Variants in BCL11A observed in about 807,000 individuals in gnomAD.
BCL11A encodes the protein B cell CLL/lymphoma 11A.
Under a neutral mutation model 55.9 loss-of-function variants are expected in BCL11A, and 2 were observed. That is an observed-to-expected ratio of 0.04 (90% confidence interval 0.01 to 0.11). BCL11A has a LOEUF of 0.11. Among genes scored for constraint, BCL11A ranks in the 10% least tolerant of loss-of-function variants. The pLI, the probability that BCL11A is intolerant of heterozygous loss-of-function variation, is 1.00. For synonymous variants in BCL11A, 465 were observed against 473.4 expected (o/e 0.98, Z 0.23); for missense variants, 817 against 1,137.1 (o/e 0.72, Z 4.05).
Position 60,458,467 on chromosome 2 carries a change from CA to C in BCL11A, c.*1936del. On this transcript the variant is annotated 3_prime_UTR_variant, in exon 4 of 4. Transcript: ENST00000642384. Reference sequence around the variant, plus strand: ...CATTTATATTTAAAAAAGTTTTGTACAAAAAAATCCTTGCACTGTAGAAGCG... The same window carrying C: ...CATTTATATTTAAAAAAGTTTTGTACAAAAAATCCTTGCACTGTAGAAGCG... 3.9e-6 allele frequency: 4 copies of C among 1,026,440 alleles called. No homozygotes were observed. The highest frequency in any genetic ancestry group is 1.7e-5 in the African/African-American group (1 of 58,982). The allele number at this position is 1,026,440 out of a possible 1,614,324, so 63.6% of individuals were successfully genotyped here. A position where few individuals can be genotyped will look rare whatever the true frequency, so the allele number is the denominator to read the frequency against.
At chr2:60,514,873 GA>G (rs11437234) in intron 2 of BCL11A, among the ~76,000 whole-genome samples, 127 of 120,752 alleles carry the variant, frequency 1.1e-3, no homozygotes, top group Admixed American at 2.3e-3. Flanking sequence ...ACAGAAAAAA[GA>G]AAAAAAAAAA....
At chr2:60,498,544 ATTGGC>A (rs1465643341) in intron 2 of BCL11A, among the ~76,000 whole-genome samples, 2 of 152,176 alleles carry the variant, frequency 1.3e-5, no homozygotes, top group Non-Finnish European at 2.9e-5. Flanking sequence ...CCTTCCTAGA[ATTGGC>A]CTGGGACATT....
chr2:60,466,246 A>G (rs1676601035), intron 3 of BCL11A, among the ~76,000 whole-genome samples: 1 of 152,098 alleles, frequency 6.6e-6, no homozygotes, highest in East Asian at 1.9e-4. Context: ...GAAGACCGAG[A>G]ACTATGTTTC....
intron 2 of BCL11A, among the ~76,000 whole-genome samples, chr2:60,531,754 G>T (rs554408349): frequency 2.6e-5 from 4 of 152,270 alleles, no homozygotes; most frequent in Admixed American, 2.6e-4. Flanking sequence ...GGTCCATAAC[G>T]TCTTATTCAG....
intron 2 of BCL11A, among the ~76,000 whole-genome samples, chr2:60,518,264 C>T (rs1433068821): frequency 1.3e-5 from 2 of 152,214 alleles, no homozygotes; most frequent in South Asian, 2.1e-4. Flanking sequence ...CTGTCAACAT[C>T]TGCTGAGCTC....
At chr2:60,549,795 C>G (rs1371349756) in intron 1 of BCL11A, 2 of 152,258 alleles carry the variant, frequency 1.3e-5, no homozygotes, top group Non-Finnish European at 2.9e-5. Context: ...CTCAGTATCT[C>G]CGCACACACC....
chr2:60,515,070 T>C (rs1417634863), intron 2 of BCL11A, among the ~76,000 whole-genome samples: 1 of 152,090 alleles, frequency 6.6e-6, no homozygotes. Flanking sequence ...GGGGACCCCC[T>C]AACTCCAAAG....
At chr2:60,531,276 C>A (rs1669446232) in intron 2 of BCL11A, among the ~76,000 whole-genome samples, 1 of 152,202 alleles carries the variant, frequency 6.6e-6, no homozygotes, top group African/African-American at 2.4e-5. Flanking sequence ...CCCACAGAAT[C>A]TTTTCGACCC....
In BCL11A at chr2:60,497,631, A is replaced by G. The variant is rs66677022; in HGVS notation, c.386-28798T>C. Among the ~76,000 whole-genome samples, 3 of 164 alleles carry G rather than the reference A, an allele frequency of 0.018. No homozygotes were observed. The African/African-American group carries it at 0.21, about 12-fold the overall frequency. The allele number at this position is 164 out of a possible 152,430, so 0.1% of individuals were successfully genotyped here. A position where few individuals can be genotyped will look rare whatever the true frequency, so the allele number is the denominator to read the frequency against. ...TGATAATGACCATTATGATGATGAT[A>G]ATAATAATAATAGCTTCCACTGGAT... On this transcript the variant is annotated intron_variant, in intron 2 of 3. Coordinates refer to ENST00000642384, the MANE Select transcript of BCL11A (RefSeq NM_022893.4).
chr2:60,507,375 AAGGGAGGGAGGGAAGG>A (rs1679706652), intron 2 of BCL11A, among the ~76,000 whole-genome samples: 1 of 43,244 alleles, frequency 2.3e-5, no homozygotes, highest in African/African-American at 2.2e-4. Context: ...AAGGGAAGGG[AAGGGAGGGAGGGAAGG>A]AGGGCCCTTG....
intron 2 of BCL11A, among the ~76,000 whole-genome samples, chr2:60,519,784 C>T (rs1668897974): frequency 1.3e-5 from 2 of 152,148 alleles, no homozygotes; most frequent in African/African-American, 2.4e-5. Flanking sequence ...GAAAGGGCTC[C>T]CAGTCACATC....
downstream of BCL11A, chr2:60,452,501 A>G (rs1675764779): frequency 8.2e-7 from 1 of 1,225,086 alleles, no homozygotes; most frequent in Non-Finnish European, 1.2e-6. Context: ...ATCACAAACT[A>G]GCAGGATGAC....
chr2:60,494,960 C>A (rs924376414), intron 2 of BCL11A, among the ~76,000 whole-genome samples: 1 of 152,128 alleles, frequency 6.6e-6, no homozygotes, highest in African/African-American at 2.4e-5. Context: ...TAGCTGGTAC[C>A]TGATAGGTGC....
chr2:60,452,541 G>A (rs754200283), downstream of BCL11A: 8 of 1,548,446 alleles, frequency 5.2e-6, no homozygotes, highest in East Asian at 2.2e-5. Flanking sequence ...TGGGCGGCAC[G>A]CGTCCACCCC....
Position 60,460,532 on chromosome 2 carries a change from G to C in BCL11A, c.2380C>G (p.Gln794Glu). Residue 794 changes from glutamine (Q) to glutamate (E), a missense_variant, in exon 4 of 4, where the codon CAG becomes GAG. This residue lies in a region of BCL11A where 30 missense variants were observed against 116.3 expected (regional missense o/e 0.26). Coordinates refer to ENST00000642384, the MANE Select transcript of BCL11A (RefSeq NM_022893.4). ...KLTRHMKTHG[Q>E]VGKDVYKCEI... ...CATTTGTAAACGTCCTTCCCCACCT[G>C]GCCATGCGTTTTCATGTGCCTGGTG... The C allele has an allele frequency of 6.2e-7, 1 of 1,614,100 alleles. No individual in the cohort carries two copies. Among genetic ancestry groups the C allele is most frequent in the Non-Finnish European group, 8.5e-7 (1 of 1,180,020 alleles).
At chr2:60,467,251 A>AATGGTGGTGGTGGTG (rs1676741612) in intron 3 of BCL11A, among the ~76,000 whole-genome samples, 21 of 15,190 alleles carry the variant, frequency 1.4e-3, no homozygotes, top group Non-Finnish European at 1.6e-3. Context: ...TGGTGGTGGT[A>AATGGTGGTGGTGGTG]ATGGTGGTGG....
At chr2:60,553,814 G>C (rs1670522881), upstream of BCL11A, 1 of 103,398 alleles carries the variant, frequency 9.7e-6, no homozygotes, top group Admixed American at 1.1e-4. Flanking sequence ...CTCCGCGGAC[G>C]CCAGACGCGG....
chr2:60,480,820 G>A (rs1308452895), intron 2 of BCL11A, among the ~76,000 whole-genome samples: 1 of 152,038 alleles, frequency 6.6e-6, no homozygotes, highest in South Asian at 2.1e-4. Flanking sequence ...ATTTGTTTTA[G>A]CAATCCTCCA....
At chr2:60,479,643 T>G (rs1207557362) in intron 2 of BCL11A, among the ~76,000 whole-genome samples, 1 of 151,956 alleles carries the variant, frequency 6.6e-6, no homozygotes, top group Admixed American at 6.6e-5. Flanking sequence ...GCTGACGCGG[T>G]TTCAAAGAGG....
Sources: gnomAD v4.1 joint callset for allele counts (sites outside exome capture counted in the v4.1 genomes callset) on GRCh38, gnomAD v4.1.1 for gene constraint, gnomAD v4.1.1 regional missense constraint, MANE v1.5 for transcripts, NCBI Gene and HGNC (gene_info 2026-07-23, HGNC 2026-07-21) for gene names.